The following PCDH9 variants were observed in gnomAD, a reference collection of about 807,000 sequenced individuals.
The protein encoded by PCDH9 is protocadherin 9, also known as protocadherin-9.
A neutral mutation model predicts 70.6 loss-of-function variants in PCDH9; 24 were observed. The ratio of observed to expected loss-of-function variants is 0.34; its 90% CI spans 0.25 to 0.48. The LOEUF (loss-of-function observed/expected upper bound fraction) is 0.48, where lower values mean the gene tolerates loss of function less well. PCDH9 is among the 20% of genes least tolerant of loss of function. The pLI is 0.99. For synonymous variants in PCDH9, 562 were observed against 558.5 expected, an observed-to-expected ratio of 1.01 and a Z score of -0.09; for missense variants, 1,281 against 1,503.6, an observed-to-expected ratio of 0.85 and a Z score of 2.45.
chr13:66,488,492 C>A (rs976319294), intron 4 of PCDH9, among the ~76,000 whole-genome samples: 1 of 151,824 alleles, frequency 6.6e-6, no homozygotes, highest in African/African-American at 2.4e-5. Context: ...AATCGTGAAG[C>A]AAAGATGAGA....
intron 4 of PCDH9, among the ~76,000 whole-genome samples, chr13:66,352,629 C>A (rs1956310438): frequency 6.6e-6 from 1 of 152,108 alleles, no homozygotes; most frequent in Admixed American, 6.6e-5. Flanking sequence ...ACTTGCCCCA[C>A]CCTTTTATAT....
chr13:67,015,732 C>T (rs2084547732), intron 2 of PCDH9, among the ~76,000 whole-genome samples: 1 of 152,168 alleles, frequency 6.6e-6, no homozygotes, highest in East Asian at 1.9e-4. Flanking sequence ...ACATGTTAGT[C>T]CCAACTTCAG....
intron 2 of PCDH9, among the ~76,000 whole-genome samples, chr13:66,958,009 T>C (rs1228210548): frequency 6.6e-6 from 1 of 152,174 alleles, no homozygotes; most frequent in African/African-American, 2.4e-5. Flanking sequence ...TTGGTTTATT[T>C]CACCTAACTG....
intron 2 of PCDH9, among the ~76,000 whole-genome samples, chr13:66,991,740 T>C (rs1594360589): frequency 6.6e-6 from 1 of 152,024 alleles, no homozygotes; most frequent in African/African-American, 2.4e-5. Context: ...ATTTCAGAAG[T>C]AAAGCACCCT....
intron 4 of PCDH9, among the ~76,000 whole-genome samples, chr13:66,551,742 A>T (rs1055700351): frequency 6.6e-6 from 1 of 152,160 alleles, no homozygotes; most frequent in African/African-American, 2.4e-5. Flanking sequence ...GTACATTTGT[A>T]AATTATATTT....
At chr13:67,049,885 T>C (rs1368257060) in intron 2 of PCDH9, among the ~76,000 whole-genome samples, 1 of 152,212 alleles carries the variant, frequency 6.6e-6, no homozygotes, top group Non-Finnish European at 1.5e-5. Context: ...TTTCTGCAGA[T>C]AGACAACAAG....
intron 3 of PCDH9, among the ~76,000 whole-genome samples, chr13:66,767,628 C>G (rs886729002): frequency 6.6e-6 from 1 of 151,982 alleles, no homozygotes; most frequent in Admixed American, 6.6e-5. Flanking sequence ...AACAGCTTGA[C>G]AGTAAAAAGG....
chr13:66,839,467 G>A (rs2139426199), intron 3 of PCDH9, among the ~76,000 whole-genome samples: 1 of 152,284 alleles, frequency 6.6e-6, no homozygotes, highest in Non-Finnish European at 1.5e-5. Context: ...TTCACGGAGT[G>A]TGGCAGCCAG....
chr13:66,862,533 C>T (rs2081502267), intron 3 of PCDH9, among the ~76,000 whole-genome samples: 1 of 152,168 alleles, frequency 6.6e-6, no homozygotes, highest in African/African-American at 2.4e-5. Context: ...GCCTGCACCC[C>T]AATGCCTGTT....
chr13:66,982,829 T>C (rs951387366), intron 2 of PCDH9, among the ~76,000 whole-genome samples: 2 of 152,222 alleles, frequency 1.3e-5, no homozygotes, highest in African/African-American at 4.8e-5. Context: ...AATAATTTTA[T>C]AAATGTATTT....
At chr13:67,036,708 C>T (rs542919651) in intron 2 of PCDH9, among the ~76,000 whole-genome samples, 1 of 152,292 alleles carries the variant, frequency 6.6e-6, no homozygotes, top group African/African-American at 2.4e-5. Flanking sequence ...CCCTTGCCAA[C>T]ATTTTGAATT....
At chr13:66,757,679 A>C (rs540817818) in intron 3 of PCDH9, among the ~76,000 whole-genome samples, 1 of 152,112 alleles carries the variant, frequency 6.6e-6, no homozygotes, top group Non-Finnish European at 1.5e-5. Context: ...TCACCCCTTA[A>C]AAAAGGGAAA....
chr13:66,853,597 G>A (rs568108063), intron 3 of PCDH9, among the ~76,000 whole-genome samples: 1 of 152,268 alleles, frequency 6.6e-6, no homozygotes, highest in Admixed American at 6.5e-5. Context: ...TGCTATTGGT[G>A]TTCTTTTTCC....
At chr13:66,817,912 G>A (rs1248436781) in intron 3 of PCDH9, among the ~76,000 whole-genome samples, 2 of 152,136 alleles carry the variant, frequency 1.3e-5, no homozygotes, top group Admixed American at 1.3e-4. Context: ...ACAGGAGTGA[G>A]CCACCACACC....
chr13:67,072,038 G>A (rs1163091946), intron 2 of PCDH9, among the ~76,000 whole-genome samples: 3 of 152,086 alleles, frequency 2.0e-5, no homozygotes, highest in Non-Finnish European at 4.4e-5. Context: ...TTTTGCATAA[G>A]GCTTATTTTT....
chr13:67,226,848 G>C lies in PCDH9; in HGVS notation c.1593C>G (p.Asp531Glu). 1 of 1,614,168 alleles carries C rather than the reference G, an allele frequency of 6.2e-7. No homozygotes were observed. The highest frequency in any genetic ancestry group is 8.5e-7 in the Non-Finnish European group (1 of 1,180,038). Residue 531 changes from aspartate to glutamate, a missense_variant, in exon 2 of 5, where the codon GAC becomes GAG. Physicochemically the swap from Asp to Glu is conservative, Grantham distance 45 (BLOSUM62 2). Around this residue, in one of 4 missense-constraint regions of PCDH9, gnomAD observed 798 missense variants for 1,003.1 expected, o/e 0.80. Transcript: ENST00000377865. The surrounding 1 kb of genome is among the most constrained non-coding windows in gnomAD (Gnocchi z 5.0). ...AAATGAATCGTTCTTGTTCTTCTCT[G>C]TCAAATACTCTGGAGGCTGTCAAAA... ...TGVLTASRVF[D>E]REEQERFIFT...
intron 4 of PCDH9, among the ~76,000 whole-genome samples, chr13:66,548,003 G>C (rs956121909): frequency 6.7e-6 from 1 of 149,064 alleles, no homozygotes; most frequent in African/African-American, 2.5e-5. Flanking sequence ...TGTTGTTTGC[G>C]TGTGTATTTG....
intron 2 of PCDH9, among the ~76,000 whole-genome samples, chr13:66,951,163 G>A (rs1157591026): frequency 1.3e-5 from 2 of 152,080 alleles, no homozygotes; most frequent in African/African-American, 4.8e-5. Context: ...AATGACGAAA[G>A]GGTTTAAGTA....
chr13:66,389,852 A>C (rs990896408), intron 4 of PCDH9, among the ~76,000 whole-genome samples: 1 of 152,324 alleles, frequency 6.6e-6, no homozygotes, highest in Admixed American at 6.5e-5. Flanking sequence ...CCTCAACTAA[A>C]AAAAGTATTT....
Sources: allele counts gnomAD v4.1 joint callset (sites outside exome capture counted in the v4.1 genomes callset), GRCh38; gene constraint gnomAD v4.1.1; regional missense constraint gnomAD v4.1.1; non-coding constraint Gnocchi (gnomAD v3.1); transcripts MANE v1.5; gene names NCBI Gene and HGNC (gene_info 2026-07-23, HGNC 2026-07-21).